Variants in LINGO2 observed in about 807,000 individuals in gnomAD.
LINGO2 encodes leucine-rich repeat and immunoglobulin-like domain-containing nogo receptor-interacting protein 2.
Under a neutral mutation model 30.6 loss-of-function variants are expected in LINGO2, and 14 were observed. The ratio of observed to expected loss-of-function variants is 0.46; its 90% CI spans 0.30 to 0.72. LINGO2 has a LOEUF of 0.72. Ranked by LOEUF, LINGO2 falls within the 30% of genes least tolerant of loss-of-function variation. The pLI is 0.07. For missense variants in LINGO2, 729 were observed against 751.7 expected (o/e 0.97, Z 0.35); for synonymous variants, 317 against 288.5 (o/e 1.10, Z -1.00).
At chr9:28,511,806 A>G (rs1479280650) in intron 1 of LINGO2, among the ~76,000 whole-genome samples, 1 of 152,212 alleles carries the variant, frequency 6.6e-6, no homozygotes, top group East Asian at 1.9e-4. Context: ...CAAAGTGCAC[A>G]GCCAGATGCA....
chr9:28,820,890 C>A, the LINGO2 span, among the ~76,000 whole-genome samples: 20 of 152,228 alleles, frequency 1.3e-4, no homozygotes, highest in African/African-American at 4.8e-4. Context: ...AGGAGGGGCA[C>A]CCCATACCCA....
intron 1 of LINGO2, among the ~76,000 whole-genome samples, chr9:28,639,246 G>A (rs1432653156): frequency 6.6e-6 from 1 of 152,026 alleles, no homozygotes; most frequent in Non-Finnish European, 1.5e-5. Context: ...CCAACTATGT[G>A]GTCAATTTTG....
the LINGO2 span, among the ~76,000 whole-genome samples, chr9:28,721,335 T>G: frequency 6.6e-6 from 1 of 152,148 alleles, no homozygotes; most frequent in African/African-American, 2.4e-5. Flanking sequence ...TTATAAATTG[T>G]ACTGTTATAA....
intron 3 of LINGO2, among the ~76,000 whole-genome samples, chr9:28,311,480 T>C (rs935241916): frequency 6.6e-6 from 1 of 152,034 alleles, no homozygotes; most frequent in Non-Finnish European, 1.5e-5. Flanking sequence ...GCTTCAACCA[T>C]AAAAGATGGC....
At chr9:29,152,284 A>C in the LINGO2 span, among the ~76,000 whole-genome samples, 3 of 152,202 alleles carry the variant, frequency 2.0e-5, no homozygotes, top group African/African-American at 7.2e-5. Flanking sequence ...CAAAACTACC[A>C]ATCAACCCAA....
chr9:29,074,229 T>G, the LINGO2 span, among the ~76,000 whole-genome samples: 1 of 152,156 alleles, frequency 6.6e-6, no homozygotes, highest in Non-Finnish European at 1.5e-5. Flanking sequence ...AATGTATCAA[T>G]ATGTAAATTA....
At chr9:29,037,676 G>A in the LINGO2 span, among the ~76,000 whole-genome samples, 1 of 151,854 alleles carries the variant, frequency 6.6e-6, no homozygotes, top group Non-Finnish European at 1.5e-5. Flanking sequence ...CATAGGTTGA[G>A]TATTGGTAAC....
chr9:28,780,829 A>AGTGTGTGT, the LINGO2 span, among the ~76,000 whole-genome samples: 1 of 99,328 alleles, frequency 1.0e-5, no homozygotes, highest in African/African-American at 4.8e-5. Context: ...TCTTGGTAGT[A>AGTGTGTGT]ATGTGTGTGT....
intron 3 of LINGO2, among the ~76,000 whole-genome samples, chr9:28,348,165 C>G (rs963313223): frequency 6.6e-6 from 1 of 152,116 alleles, no homozygotes; most frequent in Non-Finnish European, 1.5e-5. Context: ...CGAATAGGAA[C>G]AGCTCCAGTC....
intron 2 of LINGO2, 62 bp from the exon 5 acceptor site, chr9:28,372,930 A>G (rs1449855502): frequency 6.6e-6 from 1 of 152,610 alleles, no homozygotes; most frequent in African/African-American, 2.4e-5. Context: ...AAGTAACACA[A>G]GAAGTCAAAA....
At chr9:28,061,408 G>A (rs970663059) in intron 4 of LINGO2, among the ~76,000 whole-genome samples, 5 of 151,690 alleles carry the variant, frequency 3.3e-5, no homozygotes, top group Non-Finnish European at 7.4e-5. Flanking sequence ...GAATAATCCA[G>A]AAGTTGCATA....
intron 4 of LINGO2, among the ~76,000 whole-genome samples, chr9:28,094,541 G>C (rs1304771015): frequency 6.6e-6 from 1 of 152,030 alleles, no homozygotes; most frequent in African/African-American, 2.4e-5. Context: ...GAGAGAGAGA[G>C]AGAGAGAGTA....
At chr9:28,139,995 A>AT (rs1827628334) in intron 4 of LINGO2, among the ~76,000 whole-genome samples, 1 of 152,198 alleles carries the variant, frequency 6.6e-6, no homozygotes, top group Admixed American at 6.5e-5. Flanking sequence ...CGTCAAAAGT[A>AT]TTTTTGTATG....
chr9:28,828,145 A>G, the LINGO2 span, among the ~76,000 whole-genome samples: 10 of 151,978 alleles, frequency 6.6e-5, no homozygotes, highest in East Asian at 9.7e-4. Flanking sequence ...TAAACCTAAG[A>G]AAATGGAGTC....
At chr9:28,070,687 G>A (rs1825447237) in intron 4 of LINGO2, among the ~76,000 whole-genome samples, 1 of 151,974 alleles carries the variant, frequency 6.6e-6, no homozygotes, top group Non-Finnish European at 1.5e-5. Context: ...ATAGGGCCAT[G>A]GACCAGAATT....
At chr9:28,611,468 C>T (rs1160006188) in intron 1 of LINGO2, among the ~76,000 whole-genome samples, 1 of 152,056 alleles carries the variant, frequency 6.6e-6, no homozygotes, top group African/African-American at 2.4e-5. Flanking sequence ...CCATGCTGCA[C>T]ATCAGATCTC....
the LINGO2 span, among the ~76,000 whole-genome samples, chr9:28,935,105 A>G: frequency 5.2e-3 from 781 of 151,614 alleles, 8 homozygotes; most frequent in African/African-American, 0.018. Flanking sequence ...ATCACAAAAA[A>G]TACAAAAAAA....
chr9:28,112,163 G>C (rs1265730308), intron 4 of LINGO2, among the ~76,000 whole-genome samples: 5 of 59,240 alleles, frequency 8.4e-5, no homozygotes, highest in Non-Finnish European at 1.7e-4. Context: ...TGCGGTGTTT[G>C]GTTTTTTGTT....
chr9:28,226,327 T>C (rs1821141441), intron 4 of LINGO2, among the ~76,000 whole-genome samples: 1 of 152,116 alleles, frequency 6.6e-6, no homozygotes, highest in Admixed American at 6.6e-5. Context: ...CTAGTACCTC[T>C]GTGAGGATTT....
Sources: gnomAD v4.1 joint callset for allele counts (sites outside exome capture counted in the v4.1 genomes callset) on GRCh38, gnomAD v4.1.1 for gene constraint, MANE v1.5 for transcripts, NCBI Gene and HGNC (gene_info 2026-07-23, HGNC 2026-07-21) for gene names.